The following GOLGA4 variants were observed in gnomAD, a reference collection of about 807,000 sequenced individuals.
GOLGA4 encodes the protein golgin subfamily A member 4.
Under a neutral mutation model 265.9 loss-of-function variants are expected in GOLGA4, and 169 were observed. The observed-to-expected ratio is 0.64, with a 90% CI of 0.56 to 0.72. The LOEUF is 0.72. Among genes scored for constraint, GOLGA4 ranks in the 30% least tolerant of loss-of-function variants. The pLI is 0.00. For missense variants in GOLGA4, 2,482 were observed against 2,483.4 expected (o/e 1.00, Z 0.01); for synonymous variants, 923 against 855.8 (o/e 1.08, Z -1.37).
chr3:37,243,860 C>T, intron 1 of GOLGA4: 2 of 549,146 alleles, frequency 3.6e-6, no homozygotes, highest in Middle Eastern at 9.6e-4. Context: ...GTGGCTGGAT[C>T]CCTCGTGACA....
At chr3:37,333,292 A>G (rs1268193505) in intron 16 of GOLGA4, among the ~76,000 whole-genome samples, 1 of 152,198 alleles carries the variant, frequency 6.6e-6, no homozygotes, top group Non-Finnish European at 1.5e-5. Flanking sequence ...TGGCATAATA[A>G]CTAGTCTTCA....
intron 21 of GOLGA4, among the ~76,000 whole-genome samples, chr3:37,351,728 A>G (rs1578846884): frequency 2.6e-5 from 4 of 152,110 alleles, no homozygotes; most frequent in African/African-American, 9.7e-5. Context: ...TTTGAAGGGA[A>G]TCTTTTTTTC....
chr3:37,249,285 A>G (rs564707170), intron 1 of GOLGA4, among the ~76,000 whole-genome samples: 16 of 152,372 alleles, frequency 1.1e-4, no homozygotes, highest in South Asian at 6.2e-4. Flanking sequence ...ACTGAGACTA[A>G]TACTACACAG....
At chr3:37,345,509 C>T (rs1266500513) in intron 20 of GOLGA4, among the ~76,000 whole-genome samples, 1 of 152,158 alleles carries the variant, frequency 6.6e-6, no homozygotes, top group Non-Finnish European at 1.5e-5. Context: ...TGGGAAGACC[C>T]ATTAGAGGCA....
chr3:37,361,147 C>G, intron 22 of GOLGA4, 96 bp from the exon 23 acceptor site: 1 of 964,934 alleles, frequency 1.0e-6, no homozygotes, highest in Non-Finnish European at 1.7e-6. Flanking sequence ...TAAGTACAGT[C>G]TGTAATCCTA....
At chr3:37,255,313 C>G (rs1457862568) in intron 2 of GOLGA4, among the ~76,000 whole-genome samples, 1 of 152,162 alleles carries the variant, frequency 6.6e-6, no homozygotes, top group East Asian at 1.9e-4. Flanking sequence ...AGGCACCCAC[C>G]ACCATGCCTG....
chr3:37,252,668 A>G (rs953747589), intron 2 of GOLGA4, among the ~76,000 whole-genome samples: 5 of 151,918 alleles, frequency 3.3e-5, no homozygotes, highest in Non-Finnish European at 4.4e-5. Context: ...AGTCTTTTTC[A>G]TTTCAGCTGT....
chr3:37,258,842 G>C (rs1425427202), intron 2 of GOLGA4, among the ~76,000 whole-genome samples: 1 of 151,974 alleles, frequency 6.6e-6, no homozygotes, highest in African/African-American at 2.4e-5. Context: ...AATGTCACTT[G>C]TTTCTTGTAT....
rs758998287 is a variant in GOLGA4 at position 37,319,208 on chromosome 3, T to G, written c.1545+14T>G. ...AAAGTAGCTCTTGTAAGTGACTATT[T>G]TTTTTTTTCTGCTATAGGTATACTT... On this transcript the variant is annotated intron_variant, in intron 12 of 23. Coordinates refer to ENST00000361924, the MANE Select transcript of GOLGA4 (RefSeq NM_002078.5). 1.3e-5 allele frequency: 21 copies of G among 1,584,832 alleles called. No homozygotes were observed. The highest frequency in any genetic ancestry group is 1.6e-5 in the Non-Finnish European group (19 of 1,168,078).
At chr3:37,253,337 A>T (rs1270877011) in intron 2 of GOLGA4, among the ~76,000 whole-genome samples, 1 of 152,096 alleles carries the variant, frequency 6.6e-6, no homozygotes, top group Non-Finnish European at 1.5e-5. Flanking sequence ...GAAACCGCAT[A>T]GGGTACAGGG....
chr3:37,287,496 T>A (rs1166376239), intron 4 of GOLGA4: 1 of 152,244 alleles, frequency 6.6e-6, no homozygotes, highest in Non-Finnish European at 1.5e-5. Flanking sequence ...TTATACTAGC[T>A]AACATTTATT....
At chr3:37,361,088 C>T (rs1696223626) in intron 22 of GOLGA4, among the ~76,000 whole-genome samples, 155 bp from the exon 23 acceptor site, 1 of 152,070 alleles carries the variant, frequency 6.6e-6, no homozygotes, top group South Asian at 2.1e-4. Flanking sequence ...TTACAGATTC[C>T]TTATTCCTTG....
Position 37,335,125 on chromosome 3 carries a change from C to T in GOLGA4, c.6265C>T (p.Gln2089Ter), listed in dbSNP as rs536911592. ...TQLEELQKKY[Q>*]QKLEQEENPG... ...ACTTGAGGAGCTGCAGAAGAAATAC[C>T]AGCAAAAGCTAGAGCAGGAGGAGAA... Residue 2089 changes from glutamine (Q) to a stop codon, truncating the protein, a stop_gained, in exon 17 of 24, where the codon CAG becomes TAG. Transcript: ENST00000361924. LOFTEE classifies it high-confidence loss of function. The T allele has an allele frequency of 3.1e-6, 5 of 1,606,760 alleles. No individual in the cohort carries two copies. The highest frequency in any genetic ancestry group is 2.2e-5 in the East Asian group (1 of 44,774).
In GOLGA4 at chr3:37,327,137, C is replaced by G. The variant is rs557779900; in HGVS notation, c.5251C>G (p.Leu1751Val). 1.9e-6 allele frequency: 3 copies of G among 1,613,448 alleles called. No homozygotes were observed. In the African/African-American group the frequency reaches 4.0e-5, roughly 22 times the overall value. ...AAGAAACTTAACTGAAAAAGAAAAG[C>G]TATTGCAGAGGGTAGGGCAGGAAAA... ...LQRNLTEKEK[L>V]LQRVGQEKEE... Residue 1751 changes from leucine to valine, a missense_variant, in exon 14 of 24, where the codon CTA (leucine) becomes GTA (valine). By Grantham distance (32) the Leu-to-Val change is conservative. Coordinates refer to ENST00000361924, the MANE Select transcript of GOLGA4 (RefSeq NM_002078.5).
intron 16 of GOLGA4, among the ~76,000 whole-genome samples, chr3:37,333,594 TA>T (rs1428078186): frequency 3.3e-5 from 5 of 152,192 alleles, no homozygotes; most frequent in Non-Finnish European, 7.3e-5. Flanking sequence ...CTATAGAGGT[TA>T]TTCTTTCAAA....
intron 2 of GOLGA4, among the ~76,000 whole-genome samples, chr3:37,267,389 G>A (rs2150698771): frequency 6.6e-6 from 1 of 152,312 alleles, no homozygotes; most frequent in Middle Eastern, 3.4e-3. Context: ...TAGGTAGGTA[G>A]ATTCTACTGT....
At chr3:37,296,648 G>A (rs1023790201) in intron 7 of GOLGA4, among the ~76,000 whole-genome samples, 2 of 152,096 alleles carry the variant, frequency 1.3e-5, no homozygotes. Flanking sequence ...TCGGCTCACT[G>A]CAACCTCCAT....
At chr3:37,344,101 A>G (rs1287181133) in intron 20 of GOLGA4, among the ~76,000 whole-genome samples, 2 of 152,206 alleles carry the variant, frequency 1.3e-5, no homozygotes, top group East Asian at 1.9e-4. Flanking sequence ...CTGTTTACCC[A>G]TTTCAGACTA....
intron 1 of GOLGA4, among the ~76,000 whole-genome samples, chr3:37,246,231 TGGG>T (rs993422123): frequency 4.0e-5 from 6 of 150,030 alleles, no homozygotes; most frequent in Non-Finnish European, 8.9e-5. Context: ...TGCTTGACCC[TGGG>T]AGGCAGAGGT....
Sources: allele counts gnomAD v4.1 joint callset (sites outside exome capture counted in the v4.1 genomes callset), GRCh38; gene constraint gnomAD v4.1.1; transcripts MANE v1.5; gene names NCBI Gene and HGNC (gene_info 2026-07-23, HGNC 2026-07-21).